The following CNTN5 variants were observed in gnomAD, a reference collection of about 807,000 sequenced individuals.
CNTN5 encodes the protein contactin 5.
Under a neutral mutation model 129.1 loss-of-function variants are expected in CNTN5, and 77 were observed. The observed-to-expected ratio is 0.60, with a 90% CI of 0.50 to 0.72. CNTN5 has a LOEUF of 0.72. Among genes scored for constraint, CNTN5 ranks in the 30% least tolerant of loss-of-function variants. The pLI, the probability that CNTN5 is intolerant of heterozygous loss-of-function variation, is 0.00. For synonymous variants in CNTN5, 509 were observed against 465.6 expected (o/e 1.09, Z -1.20); for missense variants, 1,478 against 1,328.8 (o/e 1.11, Z -1.75).
In CNTN5 at chr11:100,193,480, T is replaced by C; in HGVS notation, c.1709-8T>C. 1 of 1,498,984 alleles carries C rather than the reference T, an allele frequency of 6.7e-7. No homozygotes were observed. Among genetic ancestry groups the C allele is most frequent in the South Asian group, 1.3e-5 (1 of 79,088 alleles). 92.9% of individuals were successfully genotyped at this position (1,498,984 alleles called of 1,614,324 possible). ...ATTATCTTAATTAACGTATTTTTAT[T>C]TCTATAGAACCTACAAGGATAGAAC... On this transcript the variant is annotated splice_region_variant and splice_polypyrimidine_tract_variant and intron_variant, in intron 14 of 24. Coordinates refer to ENST00000524871, the MANE Select transcript of CNTN5 (RefSeq NM_014361.4).
intron 3 of CNTN5, among the ~76,000 whole-genome samples, chr11:99,636,844 C>T (rs949488616): frequency 6.7e-6 from 1 of 150,318 alleles, no homozygotes; most frequent in South Asian, 2.1e-4. Flanking sequence ...TGAAACCCGT[C>T]TCTACTAAAA....
Position 100,197,563 on chromosome 11 carries a change from T to A in CNTN5, c.1884+3900T>A, listed in dbSNP as rs1948675287. Among the ~76,000 whole-genome samples the A allele has an allele frequency of 4.6e-5, 7 of 152,110 alleles. No homozygotes were observed. In the South Asian group the frequency reaches 1.4e-3, roughly 32 times the overall value. ...TGTTGGTCAGAGGTCTACAAGAACC[T>A]CTGATTCCTCTCAGGATATCTGAAT... On this transcript the variant is annotated intron_variant, in intron 15 of 24. Coordinates refer to ENST00000524871, the MANE Select transcript of CNTN5 (RefSeq NM_014361.4).
At chr11:100,109,312 G>A (rs1019680624) in intron 13 of CNTN5, among the ~76,000 whole-genome samples, 11 of 152,162 alleles carry the variant, frequency 7.2e-5, no homozygotes, top group African/African-American at 2.7e-4. Flanking sequence ...TGTAATCCCA[G>A]CTACTCGGGA....
intron 3 of CNTN5, among the ~76,000 whole-genome samples, chr11:99,579,342 A>G (rs1335649675): frequency 6.6e-6 from 1 of 151,420 alleles, no homozygotes; most frequent in Non-Finnish European, 1.5e-5. Flanking sequence ...TGAACTTTAA[A>G]GTAGTTTTTT....
chr11:99,830,168 C>G (rs1481743681), intron 4 of CNTN5, among the ~76,000 whole-genome samples: 3 of 152,076 alleles, frequency 2.0e-5, no homozygotes, highest in African/African-American at 7.2e-5. Flanking sequence ...TCAGAGACTA[C>G]AGTGCTGTTT....
intron 8 of CNTN5, among the ~76,000 whole-genome samples, chr11:100,001,535 G>A (rs1939876599): frequency 6.6e-6 from 1 of 152,188 alleles, no homozygotes; most frequent in Non-Finnish European, 1.5e-5. Flanking sequence ...ATACTTGAGT[G>A]TACAGTATGT....
intron 1 of CNTN5, among the ~76,000 whole-genome samples, chr11:99,040,227 A>T (rs185263777): frequency 5.3e-4 from 80 of 152,194 alleles, no homozygotes; most frequent in Non-Finnish European, 1.2e-4. Flanking sequence ...AAAAATATAA[A>T]ATATAATTGA....
At chr11:100,056,232 A>G (rs1591147614) in intron 9 of CNTN5, among the ~76,000 whole-genome samples, 1 of 151,860 alleles carries the variant, frequency 6.6e-6, no homozygotes, top group East Asian at 1.9e-4. Flanking sequence ...TTCAATATGA[A>G]GTTATGTGCT....
intron 2 of CNTN5, among the ~76,000 whole-genome samples, chr11:99,439,700 T>C (rs1943743438): frequency 1.1e-5 from 1 of 93,480 alleles, no homozygotes; most frequent in Non-Finnish European, 2.1e-5. Flanking sequence ...AGAGCAAGAC[T>C]CTGTCTCAAA....
At chr11:100,078,324 C>A (rs1944226977) in intron 13 of CNTN5, among the ~76,000 whole-genome samples, 1 of 152,008 alleles carries the variant, frequency 6.6e-6, no homozygotes. Flanking sequence ...ATATGATTAA[C>A]AAATTAGCTG....
intron 2 of CNTN5, among the ~76,000 whole-genome samples, chr11:99,334,173 T>C (rs1015038169): frequency 1.3e-5 from 2 of 151,970 alleles, no homozygotes; most frequent in Non-Finnish European, 1.5e-5. Flanking sequence ...CAGGCATCTT[T>C]GAAAGCAATT....
intron 1 of CNTN5, among the ~76,000 whole-genome samples, chr11:99,109,488 A>C (rs950160206): frequency 6.6e-6 from 1 of 152,098 alleles, no homozygotes; most frequent in African/African-American, 2.4e-5. Context: ...CCAAGGTCAC[A>C]CACCCACACA....
chr11:99,179,408 C>A (rs1857936329), intron 1 of CNTN5, among the ~76,000 whole-genome samples: 1 of 151,980 alleles, frequency 6.6e-6, no homozygotes, highest in South Asian at 2.1e-4. Context: ...TGCCACTGCA[C>A]TCCAGCCTGA....
intron 13 of CNTN5, among the ~76,000 whole-genome samples, chr11:100,127,924 G>A (rs1946248701): frequency 6.6e-6 from 1 of 151,874 alleles, no homozygotes; most frequent in African/African-American, 2.4e-5. Flanking sequence ...GCCTCCCAAA[G>A]TTCTGGGATT....
At chr11:100,263,151 C>T (rs2138754745) in intron 17 of CNTN5, among the ~76,000 whole-genome samples, 1 of 152,256 alleles carries the variant, frequency 6.6e-6, no homozygotes, top group South Asian at 2.1e-4. Context: ...ACTTATTTAA[C>T]ATACTGGTAT....
intron 2 of CNTN5, among the ~76,000 whole-genome samples, chr11:99,522,855 G>A (rs770101138): frequency 5.9e-5 from 9 of 151,862 alleles, no homozygotes; most frequent in Admixed American, 1.3e-4. Context: ...AACTAATGCC[G>A]TGCCTTCTCG....
Position 99,783,736 on chromosome 11 carries a change from C to T in CNTN5, c.56-35808C>T, listed in dbSNP as rs549097886. Among the ~76,000 whole-genome samples the T allele has an allele frequency of 1.1e-3, 171 of 149,044 alleles. 1 individual carries two copies. The highest frequency in any genetic ancestry group is 2.5e-3 in the Admixed American group (37 of 14,928). On this transcript the variant is annotated intron_variant, in intron 3 of 24. Coordinates refer to ENST00000524871, the MANE Select transcript of CNTN5 (RefSeq NM_014361.4). ...ACCGCAAGAACAAAAACCCAAACAC[C>T]GCATATTCTCACTCATAGGTGGGAA...
Position 99,948,566 on chromosome 11 carries a change from G to T in CNTN5, c.674-8240G>T, listed in dbSNP as rs562918738. On this transcript the variant is annotated intron_variant, in intron 7 of 24. Transcript: ENST00000524871. ...TCCCATGCATATAAACCTCAATCTA[G>T]TAAACATTTGAAACCACTATTCACC... Among the ~76,000 whole-genome samples, 6 of 152,196 alleles carry T rather than the reference G, an allele frequency of 3.9e-5. No homozygotes were observed. In the East Asian group the frequency reaches 1.2e-3, roughly 29 times the overall value.
At chr11:99,578,702 T>G (rs1265024885) in intron 3 of CNTN5, among the ~76,000 whole-genome samples, 1 of 151,364 alleles carries the variant, frequency 6.6e-6, no homozygotes, top group Non-Finnish European at 1.5e-5. Flanking sequence ...TAAATTTGTT[T>G]GAGTTCATTG....
Sources: allele counts gnomAD v4.1 joint callset (sites outside exome capture counted in the v4.1 genomes callset), GRCh38; gene constraint gnomAD v4.1.1; transcripts MANE v1.5; gene names NCBI Gene and HGNC (gene_info 2026-07-23, HGNC 2026-07-21).